RAP1A: variants seen among roughly 807,000 people sequenced by gnomAD.
RAP1A encodes the protein RAP1A, member of RAS oncogene family, also known as ras-related protein Rap-1A.
Under a neutral mutation model 26.4 loss-of-function variants are expected in RAP1A, and 6 were observed. The observed-to-expected ratio is 0.23, with a 90% CI of 0.12 to 0.45. RAP1A has a LOEUF of 0.45. RAP1A is among the 20% of genes least tolerant of loss of function. RAP1A has a pLI of 0.99. For synonymous variants in RAP1A, 73 were observed against 79.4 expected (o/e 0.92, Z 0.43); for missense variants, 121 against 217.2 (o/e 0.56, Z 2.78).
intron 6 of RAP1A, among the ~76,000 whole-genome samples, chr1:111,704,857 AAT>A (rs1662137405): frequency 6.6e-6 from 1 of 152,234 alleles, no homozygotes; most frequent in Non-Finnish European, 1.5e-5. Flanking sequence ...GTTGGAAAAT[AAT>A]ATGTTTTTAT....
chr1:111,563,851 C>G, intron 1 of RAP1A: 3 of 1,612,662 alleles, frequency 1.9e-6, no homozygotes, highest in Non-Finnish European at 2.5e-6. Context: ...CTCACTGTGA[C>G]TCAGGACTCA....
chr1:111,588,252 A>G (rs1658416116), intron 1 of RAP1A, among the ~76,000 whole-genome samples: 1 of 152,046 alleles, frequency 6.6e-6, no homozygotes, highest in Non-Finnish European at 1.5e-5. Flanking sequence ...CCCTCTCTGT[A>G]ATCCACTTCT....
chr1:111,560,022 C>A lies in RAP1A; in HGVS notation c.-28+17513C>A, dbSNP rs140019483. On this transcript the variant is annotated intron_variant, in intron 1 of 7. Transcript: ENST00000356415. ...CATCAAACACTGAGTTAAAAATTGCCGCTCAGAGTAGGCAATTTTTTTCAT... is the reference window on the plus strand; with the variant it reads ...CATCAAACACTGAGTTAAAAATTGCAGCTCAGAGTAGGCAATTTTTTTCAT... Among the ~76,000 whole-genome samples the A allele has an allele frequency of 6.0e-4, 92 of 152,308 alleles. 1 individual carries two copies. In the East Asian group the frequency reaches 0.017, roughly 29 times the overall value.
chr1:111,628,630 CAG>C (rs1026040166), intron 1 of RAP1A, among the ~76,000 whole-genome samples: 5 of 152,104 alleles, frequency 3.3e-5, no homozygotes, highest in East Asian at 3.8e-4. Context: ...AGGTTGAAGA[CAG>C]GGAATCTGGA....
At chr1:111,704,999 C>G (rs566826752) in intron 6 of RAP1A, among the ~76,000 whole-genome samples, 2 of 151,968 alleles carry the variant, frequency 1.3e-5, no homozygotes, top group South Asian at 4.2e-4. Flanking sequence ...AGCTGATGCA[C>G]AAGGCTTTTG....
intron 1 of RAP1A, among the ~76,000 whole-genome samples, chr1:111,623,053 T>C (rs1010823425): frequency 6.6e-6 from 1 of 152,212 alleles, no homozygotes; most frequent in Non-Finnish European, 1.5e-5. Flanking sequence ...AGTCTTGCTC[T>C]GTCATCCAGC....
chr1:111,693,752 T>C (rs1173074206), intron 2 of RAP1A, among the ~76,000 whole-genome samples: 5 of 152,092 alleles, frequency 3.3e-5, no homozygotes, highest in African/African-American at 1.2e-4. Context: ...ACTGTAAACT[T>C]ATGAGAGAAG....
chr1:111,626,655 C>T (rs61788239), intron 1 of RAP1A, among the ~76,000 whole-genome samples: 22,946 of 152,090 alleles, frequency 0.15, 1,851 homozygotes, highest in African/African-American at 0.2. Flanking sequence ...TCTTCTCTCC[C>T]GACCTAATTA....
chr1:111,696,154 G>A (rs1661822141), intron 3 of RAP1A, among the ~76,000 whole-genome samples: 1 of 152,150 alleles, frequency 6.6e-6, no homozygotes, highest in Non-Finnish European at 1.5e-5. Context: ...TTCTGTAGAA[G>A]ACCAGCCAGA....
chr1:111,695,255 A>G (rs1661792289), intron 2 of RAP1A, 86 bp from the exon 3 acceptor site: 1 of 987,786 alleles, frequency 1.0e-6, no homozygotes, highest in African/African-American at 1.7e-5. Context: ...ACATAATTTC[A>G]ATTAATCATT....
At position 111,599,136 on chromosome 1, in the gene RAP1A, C is replaced by G. The variant is rs138571930; in HGVS notation, c.-28+56627C>G. On this transcript the variant is annotated intron_variant, in intron 1 of 7. Transcript: ENST00000356415. The stretch of plus-strand genomic sequence containing the variant: ...ATCCAGAGGCTCCCTGAACCCTATT[C>G]TTTTGTGTTTTTATGGAGGCTTCAT... Among the ~76,000 whole-genome samples the G allele has an allele frequency of 1.2e-3, 190 of 152,240 alleles. 1 individual carries two copies. Among genetic ancestry groups the G allele is most frequent in the Non-Finnish European group, 2.4e-3 (160 of 68,006 alleles).
chr1:111,571,420 C>G (rs1278563881), intron 1 of RAP1A, among the ~76,000 whole-genome samples: 2 of 152,174 alleles, frequency 1.3e-5, no homozygotes, highest in African/African-American at 4.8e-5. Flanking sequence ...TTCAGCCTTT[C>G]TGGTGACCAG....
At chr1:111,629,247 G>A (rs771396607) in intron 1 of RAP1A, among the ~76,000 whole-genome samples, 5 of 152,022 alleles carry the variant, frequency 3.3e-5, no homozygotes, top group African/African-American at 1.2e-4. Flanking sequence ...ATTACTTTTA[G>A]TGTTCCTGTT....
intron 1 of RAP1A, among the ~76,000 whole-genome samples, chr1:111,610,511 A>C (rs1658905195): frequency 6.8e-6 from 1 of 148,126 alleles, no homozygotes; most frequent in Non-Finnish European, 1.5e-5. Flanking sequence ...CCTTTCTCCT[A>C]TTCCACTACT....
intron 1 of RAP1A, among the ~76,000 whole-genome samples, chr1:111,613,570 T>G (rs1165303170): frequency 2.6e-5 from 4 of 152,184 alleles, no homozygotes; most frequent in Admixed American, 1.3e-4. Flanking sequence ...AGAGGAGAAG[T>G]TGGGCAGTAA....
At chr1:111,635,804 C>T (rs1404403361) in intron 1 of RAP1A, among the ~76,000 whole-genome samples, 1 of 151,788 alleles carries the variant, frequency 6.6e-6, no homozygotes, top group East Asian at 1.9e-4. Flanking sequence ...GACCTCTGAC[C>T]TCAGGTGATC....
At chr1:111,673,868 G>A (rs758676786) in intron 1 of RAP1A, among the ~76,000 whole-genome samples, 9 of 152,136 alleles carry the variant, frequency 5.9e-5, no homozygotes, top group Non-Finnish European at 1.0e-4. Flanking sequence ...ATTTGTGAGT[G>A]TACCTGTGTG....
rs903013112 is a variant in RAP1A, at chr1:111,714,908, C to G, written c.*2507C>G. The stretch of plus-strand genomic sequence containing the variant: ...TGTGTGGCTATTTAAAGTATAATGA[C>G]TTTGGTTTGGTTATATGAGTGACAC... On this transcript the variant is annotated 3_prime_UTR_variant, in exon 8 of 8. Coordinates refer to ENST00000369709, the MANE Select transcript of RAP1A (RefSeq NM_002884.4). 3.9e-5 allele frequency: 6 copies of G among 152,052 alleles called. No homozygotes were observed. Among genetic ancestry groups the G allele is most frequent in the African/African-American group, 1.4e-4 (6 of 41,392 alleles). 9.4% of individuals were successfully genotyped at this position (152,052 alleles called of 1,614,324 possible). A position where few individuals can be genotyped will look rare whatever the true frequency, so the allele number is the denominator to read the frequency against.
chr1:111,570,844 GA>G (rs1658035248), intron 1 of RAP1A, among the ~76,000 whole-genome samples: 1 of 152,206 alleles, frequency 6.6e-6, no homozygotes, highest in Non-Finnish European at 1.5e-5. Flanking sequence ...AGCCATTCAT[GA>G]GGGAGCCACC....
Sources: allele counts gnomAD v4.1 joint callset (sites outside exome capture counted in the v4.1 genomes callset), GRCh38; gene constraint gnomAD v4.1.1; transcripts MANE v1.5; gene names NCBI Gene and HGNC (gene_info 2026-07-23, HGNC 2026-07-21).